Variants in MARCHF3 observed in about 807,000 individuals in gnomAD.
The protein encoded by MARCHF3 is membrane associated ring-CH-type finger 3, also known as E3 ubiquitin-protein ligase MARCHF3.
A neutral mutation model predicts 24.2 loss-of-function variants in MARCHF3; 13 were observed. The ratio of observed to expected loss-of-function variants is 0.54; its 90% CI spans 0.35 to 0.85. The LOEUF is 0.85. Ranked by LOEUF, MARCHF3 falls within the 40% of genes least tolerant of loss-of-function variation. MARCHF3 has a pLI of 0.01. For missense variants in MARCHF3, 276 were observed against 325.0 expected, an observed-to-expected ratio of 0.85 and a Z score of 1.16; for synonymous variants, 144 against 137.3, an observed-to-expected ratio of 1.05 and a Z score of -0.34.
intron 1 of MARCHF3, among the ~76,000 whole-genome samples, chr5:126,969,618 G>A (rs1368692122): frequency 6.6e-6 from 1 of 152,300 alleles, no homozygotes; most frequent in Admixed American, 6.5e-5. Context: ...ATGGATGGCT[G>A]CACTTCTTTC....
chr5:127,021,237 A>G lies in MARCHF3; in HGVS notation c.-57+9113T>C, dbSNP rs1046002313. 3.4e-4 allele frequency among the ~76,000 whole-genome samples: 51 copies of G among 152,114 alleles called. 1 individual carries two copies. The highest frequency in any genetic ancestry group is 4.1e-4 in the Non-Finnish European group (28 of 68,004). The stretch of plus-strand genomic sequence containing the variant: ...CACACACTATGGAGGAAAGGGATGG[A>G]GTAGGATTATTGCTTGGGGAACTGA... On this transcript the variant is annotated intron_variant, in intron 1 of 4. Coordinates refer to ENST00000308660, the MANE Select transcript of MARCHF3 (RefSeq NM_178450.5).
intron 3 of MARCHF3, among the ~76,000 whole-genome samples, chr5:126,889,379 TAGAG>T (rs935071923): frequency 2.6e-5 from 4 of 151,850 alleles, no homozygotes; most frequent in Non-Finnish European, 2.9e-5. Context: ...TTTGAAGGAA[TAGAG>T]AGGAAAAAAT....
Position 126,870,545 on chromosome 5 carries a change from G to C in MARCHF3, c.*88C>G. 1 of 1,258,970 alleles carries C rather than the reference G, an allele frequency of 7.9e-7. No homozygotes were observed. Among genetic ancestry groups the C allele is most frequent in the East Asian group, 2.3e-5 (1 of 42,926 alleles). The allele number at this position is 1,258,970 out of a possible 1,614,324, so 78.0% of individuals were successfully genotyped here. On this transcript the variant is annotated 3_prime_UTR_variant, in exon 5 of 5. Coordinates refer to ENST00000308660, the MANE Select transcript of MARCHF3 (RefSeq NM_178450.5). Reference sequence around the variant, plus strand: ...TCTTAGACCCACAGGCTTAAGGAAGGGCTTGGGGGTCGCTCAGTGCATGAC... The same window carrying C: ...TCTTAGACCCACAGGCTTAAGGAAGCGCTTGGGGGTCGCTCAGTGCATGAC...
At chr5:126,909,279 C>G (rs1339280636) in intron 3 of MARCHF3, among the ~76,000 whole-genome samples, 1 of 152,260 alleles carries the variant, frequency 6.6e-6, no homozygotes, top group African/African-American at 2.4e-5. Flanking sequence ...TTTTGTTTGT[C>G]TGTGCCCTGC....
intron 1 of MARCHF3, among the ~76,000 whole-genome samples, chr5:126,997,692 G>A (rs1751994823): frequency 1.3e-5 from 2 of 152,140 alleles, no homozygotes; most frequent in African/African-American, 4.8e-5. Context: ...TACTCAAAAT[G>A]ACTGCATACT....
At chr5:126,990,083 T>G (rs1252505083) in intron 1 of MARCHF3, among the ~76,000 whole-genome samples, 1 of 128 alleles carries the variant, frequency 7.8e-3, no homozygotes, top group African/African-American at 0.031. Context: ...AGCCCCCATT[T>G]AACAAGACAA....
At chr5:126,960,093 G>C (rs1750590298) in intron 1 of MARCHF3, among the ~76,000 whole-genome samples, 1 of 152,096 alleles carries the variant, frequency 6.6e-6, no homozygotes, top group Non-Finnish European at 1.5e-5. Context: ...TCCATACAAC[G>C]GTTTGATCCA....
chr5:126,904,042 C>G (rs996901787), intron 3 of MARCHF3, among the ~76,000 whole-genome samples: 5 of 149,250 alleles, frequency 3.4e-5, no homozygotes, highest in Non-Finnish European at 7.4e-5. Context: ...CAATTCCCAC[C>G]TATGAGTGAG....
chr5:126,921,872 T>G (rs1749119685), intron 1 of MARCHF3, among the ~76,000 whole-genome samples: 1 of 150,628 alleles, frequency 6.6e-6, no homozygotes, highest in African/African-American at 2.4e-5. Flanking sequence ...GGAGCGGGAG[T>G]AGGTGGATAA....
intron 1 of MARCHF3, among the ~76,000 whole-genome samples, chr5:126,981,785 C>T (rs76869666): frequency 0.014 from 2,138 of 152,198 alleles, 62 homozygotes; most frequent in African/African-American, 0.049. Flanking sequence ...AACAGAGTAC[C>T]GAAGTAGGAT....
chr5:126,981,786 G>A (rs1156523840), intron 1 of MARCHF3, among the ~76,000 whole-genome samples: 5 of 152,168 alleles, frequency 3.3e-5, no homozygotes, highest in Non-Finnish European at 2.9e-5. Flanking sequence ...ACAGAGTACC[G>A]AAGTAGGATA....
At chr5:126,966,924 TTTTTTTTTTTTTTTTTTTTTTG>T in intron 1 of MARCHF3, among the ~76,000 whole-genome samples, 1 of 124,926 alleles carries the variant, frequency 8.0e-6, no homozygotes, top group Non-Finnish European at 1.7e-5. Flanking sequence ...TTTTTTTTTT[TTTTTTTTTTTTTTTTTTTTTTG>T]CTATTACCTA....
intron 3 of MARCHF3, among the ~76,000 whole-genome samples, chr5:126,895,898 C>T (rs960295890): frequency 6.6e-5 from 10 of 152,132 alleles, no homozygotes; most frequent in Non-Finnish European, 1.5e-4. Flanking sequence ...GTGGCGGGCG[C>T]CCCTCCCCCA....
At chr5:127,010,813 A>ATACTGTATGATAC (rs1447503760) in intron 1 of MARCHF3, among the ~76,000 whole-genome samples, 3 of 152,200 alleles carry the variant, frequency 2.0e-5, no homozygotes, top group Non-Finnish European at 2.9e-5. Context: ...TTGGCTACAA[A>ATACTGTATGATAC]AGACAAATAC....
At chr5:127,026,862 C>T (rs949581648) in intron 1 of MARCHF3, among the ~76,000 whole-genome samples, 1 of 152,196 alleles carries the variant, frequency 6.6e-6, no homozygotes, top group South Asian at 2.1e-4. Context: ...GTTCCAGTGA[C>T]GATCCAGTGG....
intron 4 of MARCHF3, among the ~76,000 whole-genome samples, chr5:126,871,709 TCTC>T (rs1375825303): frequency 8.2e-5 from 12 of 146,382 alleles, no homozygotes; most frequent in Admixed American, 2.0e-4. Context: ...TAAGCCTCTC[TCTC>T]TTTTTTTTTT....
intron 1 of MARCHF3, among the ~76,000 whole-genome samples, chr5:126,979,688 C>T (rs968243843): frequency 6.6e-6 from 1 of 152,110 alleles, no homozygotes. Context: ...GTGGCTCACG[C>T]CTGTAATCCC....
At position 126,870,298 on chromosome 5, in the gene MARCHF3, TAATA is replaced by T. The variant is rs920333564; in HGVS notation, c.*331_*334del. The T allele has an allele frequency of 5.5e-6, 1 of 182,244 alleles. No homozygotes were observed. The highest frequency in any genetic ancestry group is 2.3e-5 in the African/African-American group (1 of 42,854). The allele number at this position is 182,244 out of a possible 1,614,324, so 11.3% of individuals were successfully genotyped here. ...ATATATGTGTGTGTGTTTGAAATAG[TAATA>T]AAAAAGGAAGAATTGAATTGCATCC... On this transcript the variant is annotated 3_prime_UTR_variant, in exon 5 of 5. Coordinates refer to ENST00000308660, the MANE Select transcript of MARCHF3 (RefSeq NM_178450.5).
At chr5:126,917,692 G>C (rs1315888851) in intron 2 of MARCHF3, among the ~76,000 whole-genome samples, 1 of 152,180 alleles carries the variant, frequency 6.6e-6, no homozygotes, top group Non-Finnish European at 1.5e-5. Context: ...GACAACAAGA[G>C]AGCATAACAA....
Sources: allele counts gnomAD v4.1 joint callset (sites outside exome capture counted in the v4.1 genomes callset), GRCh38; gene constraint gnomAD v4.1.1; transcripts MANE v1.5; gene names NCBI Gene and HGNC (gene_info 2026-07-23, HGNC 2026-07-21).